Variants in MYO5B observed in about 807,000 individuals in gnomAD.
MYO5B encodes the protein myosin VB.
A neutral mutation model predicts 229.3 loss-of-function variants in MYO5B; 143 were observed. The observed-to-expected ratio is 0.62, with a 90% CI of 0.54 to 0.72. The LOEUF (loss-of-function observed/expected upper bound fraction) is 0.72, where lower values mean the gene tolerates loss of function less well. Ranked by LOEUF, MYO5B falls within the 30% of genes least tolerant of loss-of-function variation. The pLI is 0.00. For synonymous variants in MYO5B, 918 were observed against 885.2 expected, an observed-to-expected ratio of 1.04 and a Z score of -0.66; for missense variants, 2,321 against 2,331.0, an observed-to-expected ratio of 1.00 and a Z score of 0.09.
chr18:50,190,202 A>G (rs2033208292), intron 1 of MYO5B, among the ~76,000 whole-genome samples: 1 of 152,246 alleles, frequency 6.6e-6, no homozygotes, highest in African/African-American at 2.4e-5. Flanking sequence ...TAAGAGTTGT[A>G]TTATTCAGCC....
chr18:49,823,577 G>A lies in MYO5B; in HGVS notation c.*2894C>T, dbSNP rs2023799762. 1 of 85,064 alleles carries A rather than the reference G, an allele frequency of 1.2e-5. No homozygotes were observed. The highest frequency in any genetic ancestry group is 4.5e-5 in the African/African-American group (1 of 22,272). 5.3% of individuals were successfully genotyped at this position (85,064 alleles called of 1,614,324 possible). A position where few individuals can be genotyped will look rare whatever the true frequency, so the allele number is the denominator to read the frequency against. Reference sequence around the variant, plus strand: ...GATTTTTAACTGTTCCAAGCTCCTAGTTTTGTTTTGTTTTTACAAAAGCCT... The same window carrying A: ...GATTTTTAACTGTTCCAAGCTCCTAATTTTGTTTTGTTTTTACAAAAGCCT... On this transcript the variant is annotated 3_prime_UTR_variant, in exon 40 of 40. Coordinates refer to ENST00000285039, the MANE Select transcript of MYO5B (RefSeq NM_001080467.3).
At chr18:49,887,044 T>C (rs542011272) in intron 22 of MYO5B, among the ~76,000 whole-genome samples, 69 of 152,150 alleles carry the variant, frequency 4.5e-4, no homozygotes, top group Middle Eastern at 3.4e-3. Context: ...TGGGGGTGGA[T>C]CCCTCATGAA....
chr18:49,851,863 A>G (rs1261124944), intron 31 of MYO5B, among the ~76,000 whole-genome samples: 1 of 152,144 alleles, frequency 6.6e-6, no homozygotes, highest in East Asian at 1.9e-4. Context: ...GTAGGTGAAT[A>G]TACATCACCA....
intron 1 of MYO5B, among the ~76,000 whole-genome samples, chr18:50,135,602 A>G (rs2032323057): frequency 6.6e-6 from 1 of 152,242 alleles, no homozygotes; most frequent in African/African-American, 2.4e-5. Flanking sequence ...TAGATAAATC[A>G]TTCCCAGAGA....
In MYO5B at chr18:49,974,595, G is replaced by C; in HGVS notation, c.1077C>G (p.Ser359Arg). The change falls in exon 10 of 40, where the codon AGC (serine) becomes AGG (arginine). Residue 359 changes from serine (S) to arginine (R), a missense_variant. Around this residue, in one of 2 missense-constraint regions of MYO5B, gnomAD observed 2,113 missense variants for 2,044.7 expected, o/e 1.03. Coordinates refer to ENST00000285039, the MANE Select transcript of MYO5B (RefSeq NM_001080467.3). Reference protein sequence around the residue: ...CSISPQDVYLSNFCRLLGVEH... With the variant: ...CSISPQDVYLRNFCRLLGVEH... Reference sequence around the variant, plus strand: ...CCACCCCTAGCAGTCGGCAGAAGTTGCTTAGGTATACATCCTGGGGCTGTG... The same window carrying C: ...CCACCCCTAGCAGTCGGCAGAAGTTCCTTAGGTATACATCCTGGGGCTGTG... 2 of 1,614,014 alleles carry C rather than the reference G, an allele frequency of 1.2e-6. No individual in the cohort carries two copies. Among genetic ancestry groups the C allele is most frequent in the Non-Finnish European group, 8.5e-7 (1 of 1,179,964 alleles).
intron 1 of MYO5B, among the ~76,000 whole-genome samples, chr18:50,125,786 A>T (rs1476249264): frequency 6.6e-6 from 1 of 152,256 alleles, no homozygotes; most frequent in Non-Finnish European, 1.5e-5. Context: ...CAGTGGATCA[A>T]CAAGCAGACT....
Position 49,895,001 on chromosome 18 carries a change from G to A in MYO5B, c.2985C>T (p.Ala995=), listed in dbSNP as rs772166742. ...VESLRTELQR[A]HSERKILEDA... ...CCTCCAAGATCTTGCGCTCCGAGTG[G>A]GCCCTCTGCAGCTCTGTGCGCAGGC... The change falls in exon 22 of 40, where the codon GCC becomes GCT. Residue 995 remains alanine, a synonymous_variant. Transcript: ENST00000285039. 6.2e-7 allele frequency: 1 copy of A among 1,613,820 alleles called. No homozygotes were observed. The highest frequency in any genetic ancestry group is 2.2e-5 in the East Asian group (1 of 44,872).
At chr18:49,983,283 T>A (rs1353013558) in intron 8 of MYO5B, among the ~76,000 whole-genome samples, 1 of 152,246 alleles carries the variant, frequency 6.6e-6, no homozygotes, top group African/African-American at 2.4e-5. Flanking sequence ...ATTCCCTTTC[T>A]GGTTCTGGTC....
rs530875290 is a variant in MYO5B, at chr18:50,079,443, C to T, written c.28-24065G>A. 1.8e-4 allele frequency among the ~76,000 whole-genome samples: 27 copies of T among 152,170 alleles called. No individual in the cohort carries two copies. The South Asian group carries it at 5.6e-3, about 32-fold the overall frequency. On this transcript the variant is annotated intron_variant, in intron 1 of 39. Coordinates refer to ENST00000285039, the MANE Select transcript of MYO5B (RefSeq NM_001080467.3). ...GAGCATCCACCCCTTGGTCCTTGGA[C>T]CAACCACTGCCTCCCTCTCACACTT...
intron 1 of MYO5B, among the ~76,000 whole-genome samples, chr18:50,192,806 CAGTTCTTT>C (rs1190444436): frequency 2.0e-5 from 3 of 152,192 alleles, no homozygotes; most frequent in Non-Finnish European, 4.4e-5. Context: ...CCAGGACCCT[CAGTTCTTT>C]AGGGACGAAC....
intron 1 of MYO5B, among the ~76,000 whole-genome samples, chr18:50,102,920 C>T (rs974346395): frequency 6.7e-6 from 1 of 149,858 alleles, no homozygotes; most frequent in African/African-American, 2.4e-5. Context: ...AGAGGGAGTC[C>T]TTTTTTTTTT....
At position 49,990,493 on chromosome 18, in the gene MYO5B, A is replaced by C; in HGVS notation, c.784T>G (p.Phe262Val). 1 of 1,613,844 alleles carries C rather than the reference A, an allele frequency of 6.2e-7. No homozygotes were observed. The highest frequency in any genetic ancestry group is 8.5e-7 in the Non-Finnish European group (1 of 1,179,820). Residue 262 changes from phenylalanine (F) to valine (V), a missense_variant, in exon 7 of 40, where the codon TTT becomes GTT. This residue lies in a region of MYO5B where 2,113 missense variants were observed against 2,044.7 expected (regional missense o/e 1.03). Coordinates refer to ENST00000285039, the MANE Select transcript of MYO5B (RefSeq NM_001080467.3). ...CCGGCAGCAGCACAGAGCTGGTAAA[A>C]GATGTGGTAATTCCTCTCATCATCT... ...QADDERNYHI[F>V]YQLCAAAGLP...
rs548299677 is a variant in MYO5B at position 49,839,220 on chromosome 18, C to G, written c.4776G>C (p.Gln1592His). 1 of 1,614,200 alleles carries G rather than the reference C, an allele frequency of 6.2e-7. No homozygotes were observed. Among genetic ancestry groups the G allele is most frequent in the East Asian group, 2.2e-5 (1 of 44,886 alleles). Residue 1592 changes from glutamine to histidine, a missense_variant, in exon 36 of 40, where the codon CAG (glutamine) becomes CAC (histidine). Physicochemically the swap from Gln to His is conservative, Grantham distance 24. Coordinates refer to ENST00000285039, the MANE Select transcript of MYO5B (RefSeq NM_001080467.3). ...LKNFDLTEYRQVLSDLSIQIY... is the reference protein window; with the variant it reads ...LKNFDLTEYRHVLSDLSIQIY... The stretch of plus-strand genomic sequence containing the variant: ...TCTGAATGGAAAGGTCACTCAGCAC[C>G]TGACGGTATTCGGTGAGGTCAAAAT...
intron 1 of MYO5B, among the ~76,000 whole-genome samples, chr18:50,164,467 C>A (rs1456271947): frequency 6.6e-6 from 1 of 152,184 alleles, no homozygotes; most frequent in East Asian, 1.9e-4. Flanking sequence ...CCCCACTTTA[C>A]AGAACTTCTG....
At chr18:49,980,374 ACATTT>A in intron 9 of MYO5B, 65 bp downstream of exon 9, 1 of 1,094,508 alleles carries the variant, frequency 9.1e-7, no homozygotes, top group Non-Finnish European at 1.4e-6. Flanking sequence ...CTGGAAAGAC[ACATTT>A]CAGTCATATC....
rs576888970 is a variant in MYO5B, at chr18:49,834,523, C to T, written c.5394+821G>A. Among the ~76,000 whole-genome samples, 13 of 152,314 alleles carry T rather than the reference C, an allele frequency of 8.5e-5. No individual in the cohort carries two copies. The South Asian group carries it at 2.7e-3, about 32-fold the overall frequency. On this transcript the variant is annotated intron_variant, in intron 39 of 39. Coordinates refer to ENST00000285039, the MANE Select transcript of MYO5B (RefSeq NM_001080467.3). ...TCAGGCGCTCAGCCATCACCTTGGG[C>T]TCAGCTTAAGGAAGCTCATGTTTAA...
chr18:50,090,157 T>C (rs1361229184), intron 1 of MYO5B, among the ~76,000 whole-genome samples: 1 of 152,266 alleles, frequency 6.6e-6, no homozygotes, highest in East Asian at 1.9e-4. Context: ...TAAGTCCATG[T>C]TGTTTTATCT....
chr18:50,049,434 A>C (rs990605251), intron 2 of MYO5B, among the ~76,000 whole-genome samples: 3 of 152,240 alleles, frequency 2.0e-5, no homozygotes, highest in Non-Finnish European at 4.4e-5. Context: ...TATGGAGTCA[A>C]AGTTCATCTT....
intron 4 of MYO5B, among the ~76,000 whole-genome samples, chr18:50,024,965 G>T (rs2026314689): frequency 2.0e-5 from 3 of 152,126 alleles, no homozygotes; most frequent in African/African-American, 7.2e-5. Flanking sequence ...AGGGAAGAAG[G>T]GAGTGGGAAA....
Sources: gnomAD v4.1 joint callset for allele counts (sites outside exome capture counted in the v4.1 genomes callset) on GRCh38, gnomAD v4.1.1 for gene constraint, gnomAD v4.1.1 regional missense constraint, MANE v1.5 for transcripts, NCBI Gene and HGNC (gene_info 2026-07-23, HGNC 2026-07-21) for gene names.